The following AMPH variants were observed in gnomAD, a reference collection of about 807,000 sequenced individuals.
The protein encoded by AMPH is amphiphysin (Stiff-Mann syndrome with breast cancer 128kD autoantigen).
A neutral mutation model predicts 99.1 loss-of-function variants in AMPH; 49 were observed. The ratio of observed to expected loss-of-function variants is 0.49; its 90% CI spans 0.39 to 0.63. The LOEUF (loss-of-function observed/expected upper bound fraction) is 0.63. Ranked by LOEUF, AMPH falls within the 20% of genes least tolerant of loss-of-function variation. AMPH has a pLI of 0.00. For synonymous variants in AMPH, 314 were observed against 317.3 expected (o/e 0.99, Z 0.11); for missense variants, 759 against 863.4 (o/e 0.88, Z 1.52).
At chr7:38,588,083 G>A (rs1016164409) in intron 1 of AMPH, among the ~76,000 whole-genome samples, 4 of 151,896 alleles carry the variant, frequency 2.6e-5, no homozygotes, top group Non-Finnish European at 5.9e-5. Context: ...TCCCAAGTAG[G>A]TGGACTACAG....
intron 5 of AMPH, among the ~76,000 whole-genome samples, chr7:38,477,265 G>A (rs954703822): frequency 6.6e-6 from 1 of 152,046 alleles, no homozygotes; most frequent in African/African-American, 2.4e-5. Context: ...GAATTGGTCA[G>A]GGAGAGAAGG....
At chr7:38,436,655 C>T (rs1313472320) in intron 11 of AMPH, among the ~76,000 whole-genome samples, 1 of 152,146 alleles carries the variant, frequency 6.6e-6, no homozygotes, top group African/African-American at 2.4e-5. Flanking sequence ...GCTCCAAGTC[C>T]AGTCAACAGA....
At chr7:38,464,113 G>GA in intron 9 of AMPH, 1 of 1,289,532 alleles carries the variant, frequency 7.8e-7, no homozygotes. Context: ...GAGGAATGTT[G>GA]AAAAAAAGTG....
chr7:38,489,835 T>C lies in AMPH; in HGVS notation c.396+1215A>G, dbSNP rs1350207227. 2.6e-5 allele frequency among the ~76,000 whole-genome samples: 4 copies of C among 152,244 alleles called. No homozygotes were observed. The South Asian group carries it at 8.3e-4, about 32-fold the overall frequency. On this transcript the variant is annotated intron_variant, in intron 5 of 20. Coordinates refer to ENST00000356264, the MANE Select transcript of AMPH (RefSeq NM_001635.4). ...AATGACAGTTGCTAATTAATGGGTA[T>C]AAAATTTCAGTTACGTAAGATGAAT...
At chr7:38,458,419 A>G (rs193195823) in intron 11 of AMPH, among the ~76,000 whole-genome samples, 50 of 152,276 alleles carry the variant, frequency 3.3e-4, no homozygotes, top group Non-Finnish European at 6.5e-4. Context: ...AAAGAAAACT[A>G]TAAGCAAATA....
At chr7:38,625,057 C>T (rs1794197027) in intron 1 of AMPH, among the ~76,000 whole-genome samples, 1 of 152,146 alleles carries the variant, frequency 6.6e-6, no homozygotes, top group Non-Finnish European at 1.5e-5. Flanking sequence ...TCCCACCACA[C>T]ACCACACACC....
intron 1 of AMPH, among the ~76,000 whole-genome samples, chr7:38,569,838 T>C (rs980489121): frequency 1.3e-5 from 2 of 152,216 alleles, no homozygotes; most frequent in Admixed American, 6.5e-5. Context: ...ATTATGTATA[T>C]GTTCTTTCTT....
At chr7:38,514,526 A>G (rs1243616088) in intron 2 of AMPH, among the ~76,000 whole-genome samples, 1 of 152,194 alleles carries the variant, frequency 6.6e-6, no homozygotes. Context: ...CCGTTGTAAC[A>G]GTGTTGAGAG....
chr7:38,561,373 A>T (rs577635702), intron 1 of AMPH, among the ~76,000 whole-genome samples: 9 of 152,344 alleles, frequency 5.9e-5, no homozygotes, highest in Non-Finnish European at 1.2e-4. Flanking sequence ...AAAGTGTCAT[A>T]TGTACAGCCC....
At chr7:38,427,553 A>G (rs1456644805) in intron 14 of AMPH, among the ~76,000 whole-genome samples, 1 of 152,158 alleles carries the variant, frequency 6.6e-6, no homozygotes, top group African/African-American at 2.4e-5. Context: ...TGAGATGGTA[A>G]CATAGACTGT....
intron 9 of AMPH, chr7:38,464,076 T>C (rs1385165703): frequency 3.1e-6 from 4 of 1,289,640 alleles, no homozygotes; most frequent in Non-Finnish European, 4.0e-6. Flanking sequence ...GAGATGCCAC[T>C]GAGCTCACTC....
chr7:38,565,667 A>T lies in AMPH; in HGVS notation c.70-30656T>A, dbSNP rs369105429. ...CTGAGGTGCTAGGGGTTAGGGTTTC[A>T]ACATATGAATTTGGGGGGTGGGGAG... On this transcript the variant is annotated intron_variant, in intron 1 of 20. Transcript: ENST00000356264. Among the ~76,000 whole-genome samples the T allele has an allele frequency of 2.7e-3, 405 of 150,996 alleles. 2 individuals are homozygous for T. The highest frequency in any genetic ancestry group is 9.3e-3 in the African/African-American group (380 of 41,018).
chr7:38,549,311 C>A (rs953410902), intron 1 of AMPH, among the ~76,000 whole-genome samples: 1 of 152,146 alleles, frequency 6.6e-6, no homozygotes, highest in East Asian at 1.9e-4. Context: ...GCAATCACAA[C>A]CAATTTCATA....
intron 1 of AMPH, among the ~76,000 whole-genome samples, chr7:38,582,581 T>A (rs1792505921): frequency 6.6e-6 from 1 of 152,224 alleles, no homozygotes; most frequent in African/African-American, 2.4e-5. Flanking sequence ...TGCTTGTGTA[T>A]TATGTTTTAA....
At chr7:38,538,683 G>C (rs1307156384) in intron 1 of AMPH, among the ~76,000 whole-genome samples, 1 of 152,212 alleles carries the variant, frequency 6.6e-6, no homozygotes, top group Non-Finnish European at 1.5e-5. Flanking sequence ...ATAAACGACA[G>C]AACCGGAGCT....
intron 17 of AMPH, among the ~76,000 whole-genome samples, chr7:38,411,488 G>A (rs946025545): frequency 2.0e-5 from 3 of 152,148 alleles, no homozygotes; most frequent in Admixed American, 6.5e-5. Flanking sequence ...CTAGCAGGAG[G>A]GATTCATGCA....
intron 2 of AMPH, among the ~76,000 whole-genome samples, chr7:38,503,970 A>T (rs925077433): frequency 1.3e-5 from 2 of 152,236 alleles, no homozygotes; most frequent in African/African-American, 4.8e-5. Context: ...TTCAAGAGCT[A>T]TCAAATTTCT....
chr7:38,535,749 C>T (rs774285653), intron 1 of AMPH, among the ~76,000 whole-genome samples: 4 of 152,118 alleles, frequency 2.6e-5, no homozygotes, highest in East Asian at 1.9e-4. Context: ...CTAGATCTCT[C>T]GCATGTGCAG....
At chr7:38,604,103 T>G (rs1793348572) in intron 1 of AMPH, among the ~76,000 whole-genome samples, 1 of 152,208 alleles carries the variant, frequency 6.6e-6, no homozygotes, top group Non-Finnish European at 1.5e-5. Flanking sequence ...AGTGTGATTG[T>G]GCCTGTCTGA....
Sources: gnomAD v4.1 joint callset for allele counts (sites outside exome capture counted in the v4.1 genomes callset) on GRCh38, gnomAD v4.1.1 for gene constraint, MANE v1.5 for transcripts, NCBI Gene and HGNC (gene_info 2026-07-23, HGNC 2026-07-21) for gene names.